Variants in ANXA4 observed in about 807,000 individuals in gnomAD.
ANXA4 encodes 35-beta calcimedin.
A neutral mutation model predicts 49.8 loss-of-function variants in ANXA4; 39 were observed. The observed-to-expected ratio is 0.78, with a 90% CI of 0.61 to 1.02. The LOEUF is 1.02. Among genes scored for constraint, ANXA4 ranks in the 50% least tolerant of loss-of-function variants. The pLI, the probability that ANXA4 is intolerant of heterozygous loss-of-function variation, is 0.00. For synonymous variants in ANXA4, 134 were observed against 152.5 expected, an observed-to-expected ratio of 0.88 and a Z score of 0.89; for missense variants, 360 against 410.1, an observed-to-expected ratio of 0.88 and a Z score of 1.05.
At chr2:69,709,638 A>G (rs1678613177) in intron 2 of ANXA4, among the ~76,000 whole-genome samples, 2 of 152,206 alleles carry the variant, frequency 1.3e-5, no homozygotes, top group African/African-American at 4.8e-5. Context: ...CTACATGGCA[A>G]CCTCGCTAGG....
intron 2 of ANXA4, among the ~76,000 whole-genome samples, chr2:69,707,968 C>T (rs534613684): frequency 6.6e-6 from 1 of 152,284 alleles, no homozygotes; most frequent in Non-Finnish European, 1.5e-5. Flanking sequence ...AATATTTATT[C>T]TTATGGACTG....
intron 1 of ANXA4, among the ~76,000 whole-genome samples, chr2:69,651,054 A>C (rs1479690341): frequency 1.3e-5 from 2 of 152,214 alleles, no homozygotes. Flanking sequence ...TTGGTTGTGT[A>C]TATTTCTTCA....
intron 2 of ANXA4, among the ~76,000 whole-genome samples, chr2:69,706,530 G>GA (rs2105398890): frequency 6.6e-6 from 1 of 152,006 alleles, no homozygotes; most frequent in Non-Finnish European, 1.5e-5. Context: ...TCGAACTCCT[G>GA]ACTTCAGGTG....
intron 2 of ANXA4, among the ~76,000 whole-genome samples, chr2:69,716,919 T>C (rs1312826179): frequency 6.6e-6 from 1 of 152,234 alleles, no homozygotes; most frequent in Non-Finnish European, 1.5e-5. Context: ...CTGTTTGCTG[T>C]CTGCCTACTA....
intron 1 of ANXA4, among the ~76,000 whole-genome samples, chr2:69,772,596 T>A (rs55941844): frequency 0.19 from 28,151 of 152,120 alleles, 2,980 homozygotes; most frequent in East Asian, 0.34. Context: ...CAAGAGTTAT[T>A]GAGGCCTTAC....
chr2:69,716,195 G>A (rs962056266), intron 2 of ANXA4, among the ~76,000 whole-genome samples: 8 of 152,194 alleles, frequency 5.3e-5, no homozygotes, highest in African/African-American at 9.7e-5. Flanking sequence ...TGACAGCATT[G>A]TTTGGGTGTC....
At chr2:69,653,166 C>T (rs1454110791) in exon 2 of ANXA4, 1 of 152,172 alleles carries the variant, frequency 6.6e-6, no homozygotes, top group African/African-American at 2.4e-5. Flanking sequence ...TCACTCAACA[C>T]TGGAGTAAAG....
At chr2:69,643,868 T>A, upstream of ANXA4, 3 of 1,177,614 alleles carry the variant, frequency 2.5e-6, no homozygotes, top group Non-Finnish European at 3.1e-6. Context: ...CAACCGCCGT[T>A]CTGTCGCCAC....
At chr2:69,745,714 A>G (rs1001782810) in intron 1 of ANXA4, among the ~76,000 whole-genome samples, 1 of 151,634 alleles carries the variant, frequency 6.6e-6, no homozygotes, top group African/African-American at 2.4e-5. Flanking sequence ...TATTTTTAGT[A>G]GAGGTGGGGT....
chr2:69,687,848 C>T (rs1677843049), intron 2 of ANXA4, among the ~76,000 whole-genome samples: 1 of 152,230 alleles, frequency 6.6e-6, no homozygotes, highest in South Asian at 2.1e-4. Context: ...CATCTACCTA[C>T]CATCCATTCC....
At chr2:69,813,220 C>T (rs1409923124) in intron 8 of ANXA4, among the ~76,000 whole-genome samples, 1 of 151,790 alleles carries the variant, frequency 6.6e-6, no homozygotes, top group Non-Finnish European at 1.5e-5. Flanking sequence ...AAAAGTGGGT[C>T]ATTACCAGGT....
At chr2:69,679,834 C>A (rs1009372493) in intron 2 of ANXA4, among the ~76,000 whole-genome samples, 2 of 152,124 alleles carry the variant, frequency 1.3e-5, no homozygotes, top group African/African-American at 4.8e-5. Flanking sequence ...GGATTTACTT[C>A]CGGATTCTGT....
chr2:69,797,675 G>T (rs1673001145), intron 3 of ANXA4, among the ~76,000 whole-genome samples: 1 of 152,126 alleles, frequency 6.6e-6, no homozygotes, highest in Non-Finnish European at 1.5e-5. Flanking sequence ...AGGCAGAATG[G>T]GTGTCTTCAG....
intron 1 of ANXA4, among the ~76,000 whole-genome samples, chr2:69,648,769 C>T (rs1676103254): frequency 3.0e-5 from 4 of 132,838 alleles, no homozygotes; most frequent in African/African-American, 5.9e-5. Context: ...TGCAGTGAGC[C>T]GAGAGTGCAC....
chr2:69,780,657 G>A (rs1010305194), intron 1 of ANXA4, among the ~76,000 whole-genome samples: 5 of 152,102 alleles, frequency 3.3e-5, no homozygotes, highest in African/African-American at 4.8e-5. Flanking sequence ...CAGGAGGATC[G>A]CTTGAGTCCA....
chr2:69,700,069 G>C (rs1573117863), intron 2 of ANXA4: 1 of 152,158 alleles, frequency 6.6e-6, no homozygotes, highest in East Asian at 1.9e-4. Flanking sequence ...ACAAAAATAA[G>C]ACTTAACATT....
chr2:69,735,855 T>C (rs1187405605), intron 3 of ANXA4, among the ~76,000 whole-genome samples: 2 of 152,140 alleles, frequency 1.3e-5, no homozygotes, highest in Non-Finnish European at 2.9e-5. Context: ...CTGGCTACCA[T>C]GAGACAGCGA....
At chr2:69,758,910 A>T (rs1431563857) in intron 1 of ANXA4, among the ~76,000 whole-genome samples, 3 of 152,172 alleles carry the variant, frequency 2.0e-5, no homozygotes, top group Non-Finnish European at 4.4e-5. Flanking sequence ...AGCCTCGCAG[A>T]TCACCTGAAG....
At chr2:69,678,644 G>T (rs1462825987) in intron 2 of ANXA4, among the ~76,000 whole-genome samples, 1 of 151,964 alleles carries the variant, frequency 6.6e-6, no homozygotes, top group East Asian at 1.9e-4. Flanking sequence ...CAGTTCTCCT[G>T]CCTAGGCCTC....
Sources: allele counts gnomAD v4.1 joint callset (sites outside exome capture counted in the v4.1 genomes callset), GRCh38; gene constraint gnomAD v4.1.1; transcripts MANE v1.5; gene names NCBI Gene and HGNC (gene_info 2026-07-23, HGNC 2026-07-21).